Variants in ABCB9 observed in about 807,000 individuals in gnomAD.
ABCB9 encodes ABC-type oligopeptide transporter ABCB9.
Under a neutral mutation model 62.0 loss-of-function variants are expected in ABCB9, and 36 were observed. That is an observed-to-expected ratio of 0.58 (90% CI 0.45 to 0.77). The LOEUF (loss-of-function observed/expected upper bound fraction) is 0.77, where lower values mean the gene tolerates loss of function less well. Ranked by LOEUF, ABCB9 falls within the 30% of genes least tolerant of loss-of-function variation. ABCB9 has a pLI of 0.00. For synonymous variants in ABCB9, 435 were observed against 461.4 expected, an observed-to-expected ratio of 0.94 and a Z score of 0.73; for missense variants, 943 against 1,054.7, an observed-to-expected ratio of 0.89 and a Z score of 1.47.
chr12:122,943,052 C>A (rs956445343), intron 7 of ABCB9, among the ~76,000 whole-genome samples: 12 of 152,284 alleles, frequency 7.9e-5, no homozygotes, highest in Admixed American at 3.9e-4. Context: ...TGCCTGCGGG[C>A]TGCGGGCTTT....
In ABCB9 at chr12:122,959,822, G is replaced by T. The variant is rs1255428884; in HGVS notation, c.414C>A (p.Ser138=). Reference sequence around the variant, plus strand: ...GGGCCTGGGTGCCTGGCCGCACGGTGGACAGCAGCCACCAGAGCAGGAAGG... The same window carrying T: ...GGGCCTGGGTGCCTGGCCGCACGGTTGACAGCAGCCACCAGAGCAGGAAGG... ...GASFLLWWLL[S]TVRPGTQALE... Residue 138 remains serine (S), a synonymous_variant, in exon 2 of 12, where the codon TCC becomes TCA. Transcript: ENST00000280560. This position sits in a 1 kb window ranked among gnomAD's most constrained non-coding sequence, Gnocchi z 5.4. 1 of 1,612,920 alleles carries T rather than the reference G, an allele frequency of 6.2e-7. No homozygotes were observed. The highest frequency in any genetic ancestry group is 1.7e-5 in the Admixed American group (1 of 59,986).
chr12:122,946,526 A>G, intron 5 of ABCB9: 1 of 405,990 alleles, frequency 2.5e-6, no homozygotes, highest in East Asian at 4.9e-5. Context: ...ATGACTGGAC[A>G]GTTTTTGGTA....
downstream of ABCB9, among the ~76,000 whole-genome samples, chr12:122,919,995 CT>C: frequency 6.6e-6 from 1 of 152,062 alleles, no homozygotes; most frequent in South Asian, 2.1e-4. Flanking sequence ...CCACCTCTGC[CT>C]CCCGGGTTCA....
chr12:122,941,574 G>C (rs2035764178), intron 7 of ABCB9, among the ~76,000 whole-genome samples: 2 of 152,058 alleles, frequency 1.3e-5, no homozygotes, highest in African/African-American at 4.8e-5. Context: ...CTCCCAAAGT[G>C]CTGGGATTAC....
rs759913187 is a variant in ABCB9, at chr12:122,959,305, T to C, written c.601+330A>G. Among the ~76,000 whole-genome samples the C allele has an allele frequency of 6.6e-6, 1 of 151,902 alleles. No individual in the cohort carries two copies. Among genetic ancestry groups the C allele is most frequent in the African/African-American group, 2.4e-5 (1 of 41,426 alleles). On this transcript the variant is annotated intron_variant, in intron 2 of 11. Transcript: ENST00000280560. This position sits in a 1 kb window ranked among gnomAD's most constrained non-coding sequence, Gnocchi z 5.4. ...AGGCAGAGGTTGCAGTGACCTGAGA[T>C]TGTGCCACTGCACTCTAGCCTAGGT... is the stretch of plus-strand genomic sequence containing the variant.
At chr12:122,967,945 G>C (rs2135939077), upstream of ABCB9, among the ~76,000 whole-genome samples, 1 of 152,226 alleles carries the variant, frequency 6.6e-6, no homozygotes, top group African/African-American at 2.4e-5. Flanking sequence ...TTGTGCAAGG[G>C]AGCTAAGGTA....
chr12:122,921,523 T>C (rs2135728622), intron 11 of ABCB9, among the ~76,000 whole-genome samples: 1 of 152,338 alleles, frequency 6.6e-6, no homozygotes, highest in South Asian at 2.1e-4. Flanking sequence ...ACGTCTGTAA[T>C]CCCAGCACTT....
rs1178421837 is a variant in ABCB9, at chr12:122,959,169, T to C, written c.601+466A>G. 3.3e-5 allele frequency among the ~76,000 whole-genome samples: 5 copies of C among 150,870 alleles called. No individual in the cohort carries two copies. The highest frequency in any genetic ancestry group is 4.8e-5 in the African/African-American group (2 of 41,286). On this transcript the variant is annotated intron_variant, in intron 2 of 11. Coordinates refer to ENST00000280560, the MANE Select transcript of ABCB9 (RefSeq NM_019625.4). This position sits in a 1 kb window ranked among gnomAD's most constrained non-coding sequence, Gnocchi z 5.4. ...GAGTTCAAGACCAGCCTGGCCAACA[T>C]GGCGAAAACCTGTTTCTACTAAAAA...
At chr12:122,933,565 A>G (rs1227964697) in intron 10 of ABCB9, among the ~76,000 whole-genome samples, 1 of 152,132 alleles carries the variant, frequency 6.6e-6, no homozygotes, top group Non-Finnish European at 1.5e-5. Flanking sequence ...AGAAAAAAAA[A>G]AAAAGTGAAT....
rs994889761 is a variant in ABCB9 at position 122,932,586 on chromosome 12, G to A, written c.1904-258C>T. On this transcript the variant is annotated intron_variant, in intron 10 of 11. Coordinates refer to ENST00000280560, the MANE Select transcript of ABCB9 (RefSeq NM_019625.4). The surrounding 1 kb of genome is among the most constrained non-coding windows in gnomAD (Gnocchi z 4.7). ...ACATCTGATAGCACACAGTGCAGGT[G>A]AGGCTGCAGGGAGACAGGCCCTCAC... 6.6e-6 allele frequency among the ~76,000 whole-genome samples: 1 copy of A among 152,214 alleles called. No homozygotes were observed. Among genetic ancestry groups the A allele is most frequent in the African/African-American group, 2.4e-5 (1 of 41,452 alleles).
Position 122,932,803 on chromosome 12 carries a change from G to A in ABCB9, c.1904-475C>T, listed in dbSNP as rs1285629530. ...ACTTCCTCCCATGCACAACAATATA[G>A]ACACAGGTCACCTGTGACCCACAGC... On this transcript the variant is annotated intron_variant, in intron 10 of 11. Coordinates refer to ENST00000280560, the MANE Select transcript of ABCB9 (RefSeq NM_019625.4). The surrounding 1 kb of genome is among the most constrained non-coding windows in gnomAD (Gnocchi z 4.7). Among the ~76,000 whole-genome samples the A allele has an allele frequency of 6.6e-6, 1 of 152,126 alleles. No individual in the cohort carries two copies. Among genetic ancestry groups the A allele is most frequent in the African/African-American group, 2.4e-5 (1 of 41,422 alleles).
Position 122,960,017 on chromosome 12 carries a change from C to T in ABCB9, c.219G>A (p.Ala73=), listed in dbSNP as rs369221947. The T allele has an allele frequency of 2.4e-5, 39 of 1,613,272 alleles. No individual in the cohort carries two copies. The highest frequency in any genetic ancestry group is 3.3e-5 in the Admixed American group (2 of 60,012). ...AGGCCCGCAGCCGCCGGGGCCCCAG[C>T]GCACTGTTCTTGGCCACACCAATGG... ...GATIGVAKNS[A]LGPRRLRASW... The change falls in exon 2 of 12, where the codon GCG becomes GCA. Residue 73 remains alanine, a synonymous_variant. Transcript: ENST00000280560.
chr12:122,958,866 A>G (rs183776705), intron 2 of ABCB9, among the ~76,000 whole-genome samples: 3 of 151,472 alleles, frequency 2.0e-5, no homozygotes, highest in Admixed American at 6.6e-5. Context: ...CAGGAGTGGA[A>G]CTCATAGTTT....
At chr12:122,953,771 C>T (rs2036481564) in intron 2 of ABCB9, among the ~76,000 whole-genome samples, 2 of 152,122 alleles carry the variant, frequency 1.3e-5, no homozygotes, top group Non-Finnish European at 2.9e-5. Flanking sequence ...ATCTGCCCGC[C>T]TCGGCCTTCC....
rs1302436463 is a variant in ABCB9, at chr12:122,935,427, G to C, written c.1748C>G (p.Ser583Cys). The change falls in exon 10 of 12, where the codon TCC (serine) becomes TGC (cysteine). Residue 583 changes from serine (S) to cysteine (C), a missense_variant. Physicochemically the swap from Ser to Cys is moderately radical, Grantham distance 112 (BLOSUM62 -1). Transcript: ENST00000280560. ...CAGCACGGGCTCCTGGCTCACCAGG[G>C]AGATCTGGGGAGGAGGGAGCATGGA... Reference protein sequence around the residue: ...YDHKYLHRVISLVSQEPVLFA... With the variant: ...YDHKYLHRVICLVSQEPVLFA... 6.2e-7 allele frequency: 1 copy of C among 1,613,026 alleles called. No homozygotes were observed. Among genetic ancestry groups the C allele is most frequent in the Non-Finnish European group, 8.5e-7 (1 of 1,179,598 alleles).
At position 122,959,851 on chromosome 12, in the gene ABCB9, C is replaced by A. The variant is rs762184575; in HGVS notation, c.385G>T (p.Ala129Ser). 6.2e-7 allele frequency: 1 copy of A among 1,613,304 alleles called. No homozygotes were observed. The highest frequency in any genetic ancestry group is 1.6e-4 in the Middle Eastern group (1 of 6,062). The change falls in exon 2 of 12, where the codon GCA becomes TCA. Residue 129 changes from alanine to serine, a missense_variant. Transcript: ENST00000280560. This position sits in a 1 kb window ranked among gnomAD's most constrained non-coding sequence, Gnocchi z 5.4. Reference sequence around the variant, plus strand: ...AGCAGCCACCAGAGCAGGAAGGATGCGCCGAGTGAAATGTACGTCCACACG... The same window carrying A: ...AGCAGCCACCAGAGCAGGAAGGATGAGCCGAGTGAAATGTACGTCCACACG... Reference protein sequence around the residue: ...LFVWTYISLGASFLLWWLLST... With the variant: ...LFVWTYISLGSSFLLWWLLST...
At chr12:122,945,076 G>A (rs150840747) in intron 6 of ABCB9, among the ~76,000 whole-genome samples, 1 of 152,308 alleles carries the variant, frequency 6.6e-6, no homozygotes, top group Non-Finnish European at 1.5e-5. Context: ...CTAGGCTGCT[G>A]TCTGGACCAC....
rs767990626 is a variant in ABCB9 at position 122,959,915 on chromosome 12, C to T, written c.321G>A (p.Val107=). ...ACCAGGGGTCCCGGATGGGCCTGCG[C>T]ACCTCTGAGAAGAGCAGCAGCTTCA... is the stretch of plus-strand genomic sequence containing the variant. ...AMVKLLLFSE[V]RRPIRDPWFW... Residue 107 remains valine (V), a synonymous_variant, in exon 2 of 12, where the codon GTG becomes GTA. Transcript: ENST00000280560. This position sits in a 1 kb window ranked among gnomAD's most constrained non-coding sequence, Gnocchi z 5.4. The T allele has an allele frequency of 8.7e-6, 14 of 1,613,486 alleles. No homozygotes were observed. In the East Asian group the frequency reaches 2.9e-4, roughly 33 times the overall value.
chr12:122,961,356 C>A (rs1181152053), intron 1 of ABCB9, among the ~76,000 whole-genome samples: 1 of 151,952 alleles, frequency 6.6e-6, no homozygotes, highest in African/African-American at 2.4e-5. Context: ...GACCAGCTAA[C>A]TTTTTGTATT....
Sources: gnomAD v4.1 joint callset for allele counts (sites outside exome capture counted in the v4.1 genomes callset) on GRCh38, gnomAD v4.1.1 for gene constraint, Gnocchi (gnomAD v3.1) non-coding constraint, MANE v1.5 for transcripts, NCBI Gene and HGNC (gene_info 2026-07-23, HGNC 2026-07-21) for gene names.